SGSM2: variants seen among roughly 807,000 people sequenced by gnomAD.
The protein encoded by SGSM2 is RUN and TBC1 domain containing 1.
Under a neutral mutation model 126.6 loss-of-function variants are expected in SGSM2, and 89 were observed. That is an observed-to-expected ratio of 0.70 (90% CI 0.59 to 0.84). The LOEUF is 0.84. Among genes scored for constraint, SGSM2 ranks in the 40% least tolerant of loss-of-function variants. The pLI, the probability that SGSM2 is intolerant of heterozygous loss-of-function variation, is 0.00. For missense variants in SGSM2, 1,404 were observed against 1,416.6 expected (o/e 0.99, Z 0.14); for synonymous variants, 614 against 574.3 (o/e 1.07, Z -0.99).
At chr17:2,371,904 C>T (rs1038501574) in intron 13 of SGSM2, 16 of 496,656 alleles carry the variant, frequency 3.2e-5, no homozygotes, top group South Asian at 4.9e-5. Flanking sequence ...GATGATCCTC[C>T]GCTGCCTCTC....
Position 2,375,843 on chromosome 17 carries a change from G to C in SGSM2, c.2452G>C (p.Glu818Gln). Residue 818 changes from glutamate to glutamine, a missense_variant, in exon 18 of 24, where the codon GAG becomes CAG. Physicochemically the swap from Glu to Gln is conservative, Grantham distance 29 (BLOSUM62 2). Coordinates refer to ENST00000268989, the MANE Select transcript of SGSM2 (RefSeq NM_014853.3). ...PQAGELEAGE[E>Q]LAAVCAAAYT... ...GGCCGGAGAACTGGAGGCCGGAGAG[G>C]AGCTTGCGGCTGTGTGTGCGGCTGC... 1 of 1,534,356 alleles carries C rather than the reference G, an allele frequency of 6.5e-7. No individual in the cohort carries two copies. Among genetic ancestry groups the C allele is most frequent in the South Asian group, 1.3e-5 (1 of 79,182 alleles).
rs145487990 is a variant in SGSM2, at chr17:2,364,130, G to A, written c.879G>A (p.Trp293Ter). ...CTGCAGAGAGCCTGACTCTGAAGTG[G>A]ACCCCCAACCAGCTCATGAATGGGA... ...HQSAESLTLK[W>*]TPNQLMNGTL... Residue 293 changes from tryptophan (W) to a stop codon, truncating the protein, a stop_gained, in exon 8 of 24, where the codon TGG becomes TGA. Transcript: ENST00000268989. LOFTEE classifies it high-confidence loss of function. 6.2e-7 allele frequency: 1 copy of A among 1,614,032 alleles called. No homozygotes were observed. The highest frequency in any genetic ancestry group is 2.2e-5 in the East Asian group (1 of 44,870).
rs2066144839 is a variant in SGSM2 at position 2,376,266 on chromosome 17, C to T, written c.2609+5C>T. ...GCTCAGAGACGTCATGTGCAGGTGCCTTGTGGGGCGGGGCTCAGGGTGGGA... is the reference window on the plus strand; with the variant it reads ...GCTCAGAGACGTCATGTGCAGGTGCTTTGTGGGGCGGGGCTCAGGGTGGGA... On this transcript the variant is annotated splice_donor_5th_base_variant and intron_variant, in intron 19 of 23. Transcript: ENST00000268989. 6.2e-7 allele frequency: 1 copy of T among 1,612,738 alleles called. No homozygotes were observed. The highest frequency in any genetic ancestry group is 8.5e-7 in the Non-Finnish European group (1 of 1,179,660).
Position 2,377,837 on chromosome 17 carries a change from C to T in SGSM2, c.2803-20C>T, listed in dbSNP as rs190951232. 1.7e-4 allele frequency: 262 copies of T among 1,546,130 alleles called. 2 individuals are homozygous for T. In the African/African-American group the frequency reaches 3.1e-3, roughly 18 times the overall value. ...ATCGGCTCAGGGCTCAGCCTCTCTC[C>T]CTTTTCCCACCCACATAAGATCCTG... On this transcript the variant is annotated intron_variant, in intron 21 of 23. Coordinates refer to ENST00000268989, the MANE Select transcript of SGSM2 (RefSeq NM_014853.3).
At position 2,373,350 on chromosome 17, in the gene SGSM2, C is replaced by T; in HGVS notation, c.1937C>T (p.Ala646Val). 6.2e-7 allele frequency: 1 copy of T among 1,612,632 alleles called. No individual in the cohort carries two copies. The highest frequency in any genetic ancestry group is 1.1e-5 in the South Asian group (1 of 91,048). ...EMEQVDAVVA[A>V]RYQQVLAEWK... ...GTACAGGTGGACGCAGTGGTGGCAG[C>T]AAGGTACCAGCAGGTGTTGGCAGAG... Residue 646 changes from alanine to valine, a missense_variant, in exon 17 of 24, where the codon GCA (alanine) becomes GTA (valine). Ala to Val is a moderately conservative substitution (Grantham distance 64). Coordinates refer to ENST00000268989, the MANE Select transcript of SGSM2 (RefSeq NM_014853.3).
Position 2,372,591 on chromosome 17 carries a change from G to A in SGSM2, c.1788+103G>A. 6.8e-7 allele frequency: 1 copy of A among 1,460,836 alleles called. No individual in the cohort carries two copies. The highest frequency in any genetic ancestry group is 1.4e-5 in the African/African-American group (1 of 70,784). 90.5% of individuals were successfully genotyped at this position (1,460,836 alleles called of 1,614,324 possible). A position where few individuals can be genotyped will look rare whatever the true frequency, so the allele number is the denominator to read the frequency against. On this transcript the variant is annotated intron_variant, in intron 15 of 23. Coordinates refer to ENST00000268989, the MANE Select transcript of SGSM2 (RefSeq NM_014853.3). This position sits in a 1 kb window ranked among gnomAD's most constrained non-coding sequence, Gnocchi z 6.0. ...CCAGTGGGTGCGGTTGACAGGCCAG[G>A]GCCGATGCCACGGAGTGACCAGGGT...
rs577082573 is a variant in SGSM2 at position 2,379,701 on chromosome 17, G to T, written c.*181G>T. 2 of 1,422,820 alleles carry T rather than the reference G, an allele frequency of 1.4e-6. No homozygotes were observed. The highest frequency in any genetic ancestry group is 2.7e-5 in the Admixed American group (1 of 37,036). 88.1% of individuals were successfully genotyped at this position (1,422,820 alleles called of 1,614,324 possible). On this transcript the variant is annotated 3_prime_UTR_variant, in exon 24 of 24. Transcript: ENST00000268989. The stretch of plus-strand genomic sequence containing the variant: ...CCCTGCAGGGCAAGTCAGGGGCCAG[G>T]ATGCCCTCGGATCAGGGCCGGGATG...
chr17:2,373,048 C>A lies in SGSM2; in HGVS notation c.1884C>A (p.Tyr628Ter), dbSNP rs982375083. 2 of 1,609,646 alleles carry A rather than the reference C, an allele frequency of 1.2e-6. No homozygotes were observed. The change falls in exon 16 of 24, where the codon TAC becomes TAA. Residue 628 changes from tyrosine to a stop codon, truncating the protein, a stop_gained. Coordinates refer to ENST00000268989, the MANE Select transcript of SGSM2 (RefSeq NM_014853.3). LOFTEE classifies it high-confidence loss of function. ...KDVWPFLLGH[Y>*]KFGMSKKEME... ...TCTGGCCCTTTCTGCTTGGCCACTA[C>A]AAGTTCGGCATGAGCAAGAAGGAGA...
chr17:2,354,363 A>G (rs2065004126), intron 2 of SGSM2, among the ~76,000 whole-genome samples: 1 of 152,192 alleles, frequency 6.6e-6, no homozygotes, highest in South Asian at 2.1e-4. Context: ...TTTTATACTA[A>G]TAAAAAAGAT....
Position 2,373,343 on chromosome 17 carries a change from G to A in SGSM2, c.1930G>A (p.Val644Met). 1.2e-6 allele frequency: 2 copies of A among 1,612,508 alleles called. No homozygotes were observed. Among genetic ancestry groups the A allele is most frequent in the Non-Finnish European group, 1.7e-6 (2 of 1,179,782 alleles). Residue 644 changes from valine to methionine, a missense_variant, in exon 17 of 24, where the codon GTG becomes ATG. By Grantham distance (21) the Val-to-Met change is conservative (BLOSUM62 1). Coordinates refer to ENST00000268989, the MANE Select transcript of SGSM2 (RefSeq NM_014853.3). ...KKEMEQVDAV[V>M]AARYQQVLAE... is the part of the protein sequence containing the mutation. The stretch of plus-strand genomic sequence containing the variant: ...GGTCTGAGTACAGGTGGACGCAGTG[G>A]TGGCAGCAAGGTACCAGCAGGTGTT...
At chr17:2,340,786 A>C (rs113726801) in intron 1 of SGSM2, among the ~76,000 whole-genome samples, 2 of 151,636 alleles carry the variant, frequency 1.3e-5, no homozygotes, top group Non-Finnish European at 1.5e-5. Flanking sequence ...GGGTTTCACC[A>C]TGTTAGCCAG....
Position 2,372,579 on chromosome 17 carries a change from T to G in SGSM2, c.1788+91T>G, listed in dbSNP as rs367678150. ...GGGTAAAATGTGCCAGTGGGTGCGGTTGACAGGCCAGGGCCGATGCCACGG... is the reference window on the plus strand; with the variant it reads ...GGGTAAAATGTGCCAGTGGGTGCGGGTGACAGGCCAGGGCCGATGCCACGG... On this transcript the variant is annotated intron_variant, in intron 15 of 23. Coordinates refer to ENST00000268989, the MANE Select transcript of SGSM2 (RefSeq NM_014853.3). The surrounding 1 kb of genome is among the most constrained non-coding windows in gnomAD (Gnocchi z 6.0). 1 of 1,515,138 alleles carries G rather than the reference T, an allele frequency of 6.6e-7. No individual in the cohort carries two copies. Among genetic ancestry groups the G allele is most frequent in the Non-Finnish European group, 8.9e-7 (1 of 1,119,078 alleles). The allele number at this position is 1,515,138 out of a possible 1,614,324, so 93.9% of individuals were successfully genotyped here.
rs1373340114 is a variant in SGSM2, at chr17:2,363,431, A to G, written c.673-34A>G. The G allele has an allele frequency of 5.0e-6, 8 of 1,611,082 alleles. No homozygotes were observed. Among genetic ancestry groups the G allele is most frequent in the Non-Finnish European group, 6.8e-6 (8 of 1,179,704 alleles). On this transcript the variant is annotated intron_variant, in intron 6 of 23. Coordinates refer to ENST00000268989, the MANE Select transcript of SGSM2 (RefSeq NM_014853.3). The surrounding 1 kb of genome is among the most constrained non-coding windows in gnomAD (Gnocchi z 4.2). ...TCCCAAGCCTTGAGGCCAGTTTCCC[A>G]AGGCTGGAGGCTGAGCCCCGGCCTT...
At chr17:2,344,255 C>T (rs1316362658) in intron 2 of SGSM2, among the ~76,000 whole-genome samples, 2 of 152,170 alleles carry the variant, frequency 1.3e-5, no homozygotes, top group Non-Finnish European at 2.9e-5. Context: ...AAACCATTTC[C>T]GCCTCCTCAG....
At chr17:2,371,551 T>A in intron 13 of SGSM2, 136 bp downstream of exon 13, 2 of 1,072,876 alleles carry the variant, frequency 1.9e-6, no homozygotes, top group Middle Eastern at 3.2e-4. Context: ...CAAATTTCAC[T>A]TTTGCTACCC....
rs767144777 is a variant in SGSM2 at position 2,367,363 on chromosome 17, A to G, written c.1381A>G (p.Met461Val). 6.8e-6 allele frequency: 11 copies of G among 1,614,030 alleles called. No homozygotes were observed. Among genetic ancestry groups the G allele is most frequent in the East Asian group, 4.5e-5 (2 of 44,900 alleles). ...EEDKLHAMLS[M>V]ICSRNLTAPN... Reference sequence around the variant, plus strand: ...GGATAAACTGCACGCGATGCTCTCAATGATCTGCTCGCGGAACCTCACAGC... The same window carrying G: ...GGATAAACTGCACGCGATGCTCTCAGTGATCTGCTCGCGGAACCTCACAGC... The change falls in exon 12 of 24, where the codon ATG becomes GTG. Residue 461 changes from methionine (M) to valine (V), a missense_variant. Coordinates refer to ENST00000268989, the MANE Select transcript of SGSM2 (RefSeq NM_014853.3). This position sits in a 1 kb window ranked among gnomAD's most constrained non-coding sequence, Gnocchi z 4.0.
Position 2,377,024 on chromosome 17 carries a change from G to A in SGSM2, c.2758G>A (p.Gly920Ser). ...KRMSQNFPNG[G>S]AMDTHFANMR... Reference sequence around the variant, plus strand: ...GATGAGCCAGAACTTCCCCAACGGGGGTGCCATGGACACCCACTTTGCCAA... The same window carrying A: ...GATGAGCCAGAACTTCCCCAACGGGAGTGCCATGGACACCCACTTTGCCAA... Residue 920 changes from glycine to serine, a missense_variant, in exon 21 of 24, where the codon GGT becomes AGT. Gly to Ser is a moderately conservative substitution (Grantham distance 56, BLOSUM62 0). Transcript: ENST00000268989. 1 of 1,613,884 alleles carries A rather than the reference G, an allele frequency of 6.2e-7. No individual in the cohort carries two copies. The highest frequency in any genetic ancestry group is 1.6e-4 in the Middle Eastern group (1 of 6,062).
chr17:2,340,129 T>G (rs937402131), intron 1 of SGSM2, among the ~76,000 whole-genome samples: 2 of 152,132 alleles, frequency 1.3e-5, no homozygotes, highest in African/African-American at 4.8e-5. Flanking sequence ...TTTTTTTTTT[T>G]TTTGGAGACG....
rs1273797537 is a variant in SGSM2, at chr17:2,367,689, G to A, written c.1423+284G>A. Among the ~76,000 whole-genome samples the A allele has an allele frequency of 6.6e-6, 1 of 152,234 alleles. No individual in the cohort carries two copies. Among genetic ancestry groups the A allele is most frequent in the Non-Finnish European group, 1.5e-5 (1 of 68,028 alleles). On this transcript the variant is annotated intron_variant, in intron 12 of 23. Transcript: ENST00000268989. This position sits in a 1 kb window ranked among gnomAD's most constrained non-coding sequence, Gnocchi z 4.0. ...TGATTGCCTCCTGGGCACCCTGAAT[G>A]GATCTCTGAGCCCATTCCTACTCCG... is the stretch of plus-strand genomic sequence containing the variant.
Sources: allele counts gnomAD v4.1 joint callset (sites outside exome capture counted in the v4.1 genomes callset), GRCh38; gene constraint gnomAD v4.1.1; non-coding constraint Gnocchi (gnomAD v3.1); transcripts MANE v1.5; gene names NCBI Gene and HGNC (gene_info 2026-07-23, HGNC 2026-07-21).